CRACDL: variants seen among roughly 807,000 people sequenced by gnomAD.
The protein encoded by CRACDL is CRACD-like protein.
Under a neutral mutation model 70.6 loss-of-function variants are expected in CRACDL, and 26 were observed. That is an observed-to-expected ratio of 0.37 (90% CI 0.27 to 0.51). The LOEUF (loss-of-function observed/expected upper bound fraction) is 0.51, where lower values mean the gene tolerates loss of function less well. CRACDL is among the 20% of genes least tolerant of loss of function. The pLI, the probability that CRACDL is intolerant of heterozygous loss-of-function variation, is 0.94. For synonymous variants in CRACDL, 618 were observed against 615.2 expected (o/e 1.00, Z -0.07); for missense variants, 1,283 against 1,376.9 (o/e 0.93, Z 1.08).
At chr2:98,826,906 T>TGG (rs60538689) in intron 6 of CRACDL, 69 bp downstream of exon 6, 12,208 of 1,007,690 alleles carry the variant, frequency 0.012, 15 homozygotes, top group Middle Eastern at 0.026. Flanking sequence ...TGAGGCAGGT[T>TGG]GGGGGGGGGC....
Position 98,823,197 on chromosome 2 carries a change from T to C in CRACDL, c.1076A>G (p.Glu359Gly), listed in dbSNP as rs1705163377. The C allele has an allele frequency of 1.4e-6, 2 of 1,454,790 alleles. No individual in the cohort carries two copies. Among genetic ancestry groups the C allele is most frequent in the African/African-American group, 3.0e-5 (2 of 67,464 alleles). 90.1% of individuals were successfully genotyped at this position (1,454,790 alleles called of 1,614,324 possible). ...TLRVEPPSPPEGPPNPGPDGG... is the reference protein window; with the variant it reads ...TLRVEPPSPPGGPPNPGPDGG... ...GTCGGGACCGGGATTCGGGGGGCCC[T>C]CCGGCGGGGACGGGGGCTCCACGCG... Residue 359 changes from glutamate to glycine, a missense_variant, in exon 7 of 10, where the codon GAG becomes GGG. Glu to Gly is a moderately conservative substitution (Grantham distance 98, BLOSUM62 -2). Transcript: ENST00000397899. This position sits in a 1 kb window ranked among gnomAD's most constrained non-coding sequence, Gnocchi z 4.0.
At chr2:98,803,637 G>T (rs1197940451) in intron 7 of CRACDL, among the ~76,000 whole-genome samples, 4 of 152,160 alleles carry the variant, frequency 2.6e-5, no homozygotes, top group African/African-American at 7.2e-5. Context: ...TCTCCATTAT[G>T]CTGTCATCCT....
chr2:98,868,517 C>G (rs1707230329), intron 1 of CRACDL, among the ~76,000 whole-genome samples: 2 of 152,232 alleles, frequency 1.3e-5, no homozygotes, highest in Non-Finnish European at 2.9e-5. Flanking sequence ...GAGAGCCAAA[C>G]ACCTTCCAGG....
intron 1 of CRACDL, among the ~76,000 whole-genome samples, chr2:98,893,168 T>G (rs1225548126): frequency 6.6e-6 from 1 of 152,154 alleles, no homozygotes; most frequent in Non-Finnish European, 1.5e-5. Flanking sequence ...GGTAATCCTC[T>G]CCACCTGAAA....
chr2:98,923,813 A>G (rs1043767221), intron 1 of CRACDL, among the ~76,000 whole-genome samples: 5 of 152,234 alleles, frequency 3.3e-5, no homozygotes, highest in Non-Finnish European at 7.3e-5. Context: ...AAATTGTTCA[A>G]TATTGCAAAG....
intron 3 of CRACDL, 75 bp from the exon 4 acceptor site, chr2:98,833,072 G>A: frequency 7.3e-7 from 1 of 1,375,898 alleles, no homozygotes; most frequent in Non-Finnish European, 1.0e-6. Flanking sequence ...GAATGAGAAA[G>A]AGGGATGTGA....
At chr2:98,915,484 G>A (rs1250236102) in intron 1 of CRACDL, among the ~76,000 whole-genome samples, 1 of 152,162 alleles carries the variant, frequency 6.6e-6, no homozygotes, top group African/African-American at 2.4e-5. Context: ...TTGCTGTGGA[G>A]CCCTGGAGGA....
intron 1 of CRACDL, among the ~76,000 whole-genome samples, chr2:98,854,394 A>AT (rs1160154210): frequency 2.7e-5 from 4 of 149,850 alleles, no homozygotes; most frequent in Non-Finnish European, 4.4e-5. Flanking sequence ...AATCATCAGA[A>AT]CCTATCTACT....
At chr2:98,858,414 C>T (rs1336377720) in intron 1 of CRACDL, among the ~76,000 whole-genome samples, 2 of 149,980 alleles carry the variant, frequency 1.3e-5, no homozygotes, top group Admixed American at 1.3e-4. Context: ...ACTTGGGAGG[C>T]TGAGGCATGA....
At chr2:98,820,488 C>T (rs968616514) in intron 7 of CRACDL, among the ~76,000 whole-genome samples, 33 of 152,162 alleles carry the variant, frequency 2.2e-4, no homozygotes, top group African/African-American at 7.7e-4. Flanking sequence ...GAGCCAAGAT[C>T]GTACCACTGC....
intron 1 of CRACDL, among the ~76,000 whole-genome samples, chr2:98,924,273 A>T (rs1206374734): frequency 6.6e-6 from 1 of 152,106 alleles, no homozygotes; most frequent in Non-Finnish European, 1.5e-5. Flanking sequence ...CCAGCTCGGG[A>T]TCCCAGCCCA....
chr2:98,836,491 G>A (rs1705786972), intron 3 of CRACDL, among the ~76,000 whole-genome samples: 1 of 152,188 alleles, frequency 6.6e-6, no homozygotes, highest in African/African-American at 2.4e-5. Flanking sequence ...GGAATATCAA[G>A]ATAAAAAGCA....
intron 1 of CRACDL, among the ~76,000 whole-genome samples, chr2:98,916,505 GTTT>G (rs35933151): frequency 5.6e-5 from 4 of 71,826 alleles, no homozygotes; most frequent in Non-Finnish European, 3.3e-5. Flanking sequence ...CAATAAAGCT[GTTT>G]TTTTTAAAAA....
At chr2:98,934,378 A>G (rs1709157474) in intron 1 of CRACDL, among the ~76,000 whole-genome samples, 1 of 151,740 alleles carries the variant, frequency 6.6e-6, no homozygotes, top group African/African-American at 2.4e-5. Flanking sequence ...TATTTTTAGT[A>G]GAGTCAGGGC....
At chr2:98,922,933 G>C (rs1358616485) in intron 1 of CRACDL, among the ~76,000 whole-genome samples, 1 of 152,162 alleles carries the variant, frequency 6.6e-6, no homozygotes, top group Non-Finnish European at 1.5e-5. Flanking sequence ...AAACTGAGCA[G>C]CAATTCACTA....
chr2:98,799,629 G>A (rs563481331), intron 7 of CRACDL, among the ~76,000 whole-genome samples: 13 of 152,240 alleles, frequency 8.5e-5, no homozygotes, highest in South Asian at 4.1e-4. Flanking sequence ...AAGTCTCCCC[G>A]GAGCCTCATT....
At position 98,891,376 on chromosome 2, in the gene CRACDL, CAAAAA is replaced by C. The variant is rs548988640; in HGVS notation, c.-11+44557_-11+44561del. On this transcript the variant is annotated intron_variant, in intron 1 of 9. Transcript: ENST00000397899. ...TGGGTGACAGAGGGAGACTCCGTCTCAAAAAAAAAAAAAAAAAAAAAAAAAAAAAT... is the reference window on the plus strand; with the variant it reads ...TGGGTGACAGAGGGAGACTCCGTCTCAAAAAAAAAAAAAAAAAAAAAAAAT... Among the ~76,000 whole-genome samples, 206 of 37,880 alleles carry C rather than the reference CAAAAA, an allele frequency of 5.4e-3. 1 individual carries two copies. The South Asian group carries it at 0.092, about 17-fold the overall frequency. 24.9% of individuals were successfully genotyped at this position (37,880 alleles called of 152,430 possible).
chr2:98,838,371 G>C (rs777084416), intron 2 of CRACDL, 84 bp from the exon 3 acceptor site: 14 of 731,740 alleles, frequency 1.9e-5, no homozygotes, highest in Non-Finnish European at 3.0e-5. Flanking sequence ...ACGTAAAAGA[G>C]AGAAAGCAAG....
intron 7 of CRACDL, among the ~76,000 whole-genome samples, chr2:98,802,150 G>C (rs747617066): frequency 1.3e-5 from 2 of 152,358 alleles, no homozygotes; most frequent in South Asian, 2.1e-4. Flanking sequence ...AAGGGCAGGC[G>C]CCTCATCCTG....
Sources: allele counts gnomAD v4.1 joint callset (sites outside exome capture counted in the v4.1 genomes callset), GRCh38; gene constraint gnomAD v4.1.1; non-coding constraint Gnocchi (gnomAD v3.1); transcripts MANE v1.5; gene names NCBI Gene and HGNC (gene_info 2026-07-23, HGNC 2026-07-21).